TSHZ3: variants seen among roughly 807,000 people sequenced by gnomAD.
The protein encoded by TSHZ3 is teashirt homolog 3.
In TSHZ3, 10 loss-of-function variants were observed where a neutral mutation model predicts 64.5. The observed-to-expected ratio is 0.16, with a 90% CI of 0.10 to 0.26. The LOEUF is 0.26. Among genes scored for constraint, TSHZ3 ranks in the 10% least tolerant of loss-of-function variants. TSHZ3 has a pLI of 1.00. For missense variants in TSHZ3, 1,242 were observed against 1,421.7 expected, an observed-to-expected ratio of 0.87 and a Z score of 2.03; for synonymous variants, 608 against 593.1, an observed-to-expected ratio of 1.03 and a Z score of -0.36.
intron 1 of TSHZ3, among the ~76,000 whole-genome samples, chr19:31,329,181 A>C (rs1917007539): frequency 6.6e-6 from 1 of 152,198 alleles, no homozygotes; most frequent in Non-Finnish European, 1.5e-5. Flanking sequence ...GAAATAAGCT[A>C]CCCAAACTTA....
At position 31,276,534 on chromosome 19, in the gene TSHZ3, T is replaced by C; in HGVS notation, c.*13A>G. On this transcript the variant is annotated 3_prime_UTR_variant, in exon 2 of 2. Coordinates refer to ENST00000240587, the MANE Select transcript of TSHZ3 (RefSeq NM_020856.4). Reference sequence around the variant, plus strand: ...TCAAAGCAAACTGCAGTCCTTTCTATCAAAAGCAAATGCTACTGCTTCTCT... The same window carrying C: ...TCAAAGCAAACTGCAGTCCTTTCTACCAAAAGCAAATGCTACTGCTTCTCT... The C allele has an allele frequency of 3.9e-6, 6 of 1,531,024 alleles. No homozygotes were observed. The highest frequency in any genetic ancestry group is 2.6e-5 in the South Asian group (2 of 77,014). The allele number at this position is 1,531,024 out of a possible 1,614,324, so 94.8% of individuals were successfully genotyped here. A position where few individuals can be genotyped will look rare whatever the true frequency, so the allele number is the denominator to read the frequency against.
chr19:31,248,208 A>G (rs1404827788), intron 1 of TSHZ3, among the ~76,000 whole-genome samples: 1 of 152,192 alleles, frequency 6.6e-6, no homozygotes, highest in Non-Finnish European at 1.5e-5. Flanking sequence ...TACAATTCAT[A>G]TGAGATTGGG....
chr19:31,180,597 T>A (rs959590363), intron 5 of TSHZ3, among the ~76,000 whole-genome samples: 9 of 152,222 alleles, frequency 5.9e-5, no homozygotes, highest in African/African-American at 1.9e-4. Context: ...TTGGGATTGT[T>A]GTGTTAATAA....
At chr19:31,235,877 G>T (rs1158486426) in intron 3 of TSHZ3, among the ~76,000 whole-genome samples, 1 of 151,124 alleles carries the variant, frequency 6.6e-6, no homozygotes, top group Non-Finnish European at 1.5e-5. Flanking sequence ...AACACACCTG[G>T]CTAATTTTTT....
chr19:31,150,028 G>A (rs1974218587), exon 7 of TSHZ3, among the ~76,000 whole-genome samples: 2 of 152,318 alleles, frequency 1.3e-5, no homozygotes, highest in South Asian at 4.1e-4. Context: ...ATTAGAGTCT[G>A]CACAGATGAA....
intron 4 of TSHZ3, among the ~76,000 whole-genome samples, chr19:31,223,284 C>T (rs193199941): frequency 3.9e-4 from 60 of 152,090 alleles, no homozygotes; most frequent in African/African-American, 1.3e-3. Flanking sequence ...CTGTAGAGCC[C>T]TCTGTATTTG....
chr19:31,253,169 G>C (rs1975863686), intron 1 of TSHZ3, among the ~76,000 whole-genome samples: 1 of 152,170 alleles, frequency 6.6e-6, no homozygotes, highest in Non-Finnish European at 1.5e-5. Context: ...CAAATCCCAA[G>C]ACAAGGTGTT....
downstream of TSHZ3, among the ~76,000 whole-genome samples, chr19:31,149,885 A>C (rs1324325082): frequency 2.0e-5 from 3 of 152,150 alleles, no homozygotes; most frequent in Non-Finnish European, 4.4e-5. Flanking sequence ...ATGAAACTTA[A>C]TCATAGAGGG....
At chr19:31,283,464 C>T (rs1976401251) in intron 1 of TSHZ3, among the ~76,000 whole-genome samples, 1 of 152,096 alleles carries the variant, frequency 6.6e-6, no homozygotes, top group African/African-American at 2.4e-5. Context: ...TGGAAATGGA[C>T]CCAGTGGAAT....
intron 5 of TSHZ3, among the ~76,000 whole-genome samples, chr19:31,202,810 C>A (rs1187642675): frequency 6.6e-6 from 1 of 152,192 alleles, no homozygotes; most frequent in Admixed American, 6.5e-5. Context: ...TGCCCTGGCA[C>A]ATCTTTTAAG....
At chr19:31,240,930 T>A (rs1245448760) in intron 3 of TSHZ3, among the ~76,000 whole-genome samples, 2 of 152,194 alleles carry the variant, frequency 1.3e-5, no homozygotes, top group African/African-American at 4.8e-5. Context: ...TAGGACCATA[T>A]TTTTCTTTAA....
intron 1 of TSHZ3, among the ~76,000 whole-genome samples, chr19:31,313,328 G>A (rs540475022): frequency 9.8e-5 from 15 of 152,342 alleles, no homozygotes; most frequent in African/African-American, 3.6e-4. Flanking sequence ...TAATAAAAAT[G>A]TAAAATTTGC....
chr19:31,157,923 C>G (rs1056741215), intron 5 of TSHZ3, among the ~76,000 whole-genome samples: 2 of 152,192 alleles, frequency 1.3e-5, no homozygotes, highest in African/African-American at 4.8e-5. Context: ...TTTTCCCAGC[C>G]CTGCCTCACC....
chr19:31,166,489 C>T (rs934472204), intron 5 of TSHZ3, among the ~76,000 whole-genome samples: 2 of 152,114 alleles, frequency 1.3e-5, no homozygotes, highest in African/African-American at 2.4e-5. Context: ...GCAACTGGCT[C>T]CCAGGAAGGC....
intron 5 of TSHZ3, among the ~76,000 whole-genome samples, chr19:31,198,093 A>G (rs1239094040): frequency 8.5e-5 from 13 of 152,164 alleles, no homozygotes; most frequent in Admixed American, 8.5e-4. Context: ...GAAAATAAGT[A>G]TGGACCACAG....
chr19:31,196,863 A>G (rs373563588), intron 5 of TSHZ3, among the ~76,000 whole-genome samples: 1 of 152,016 alleles, frequency 6.6e-6, no homozygotes, highest in Non-Finnish European at 1.5e-5. Flanking sequence ...TATTATACTT[A>G]GAGACTTCAA....
At chr19:31,285,781 CAAAAAAAAAA>C (rs3030263) in intron 1 of TSHZ3, among the ~76,000 whole-genome samples, 11 of 44,986 alleles carry the variant, frequency 2.4e-4, no homozygotes, top group East Asian at 1.4e-3. Context: ...GCCACTGTCT[CAAAAAAAAAA>C]AAAAAAAAAA....
chr19:31,312,044 C>T (rs1240759753), intron 1 of TSHZ3, among the ~76,000 whole-genome samples: 1 of 152,166 alleles, frequency 6.6e-6, no homozygotes, highest in Non-Finnish European at 1.5e-5. Context: ...TCTTTAAATC[C>T]TGGCTTCTCC....
chr19:31,181,397 T>C (rs1484722243), intron 5 of TSHZ3, among the ~76,000 whole-genome samples: 1 of 152,124 alleles, frequency 6.6e-6, no homozygotes, highest in African/African-American at 2.4e-5. Flanking sequence ...TTATCTGTTT[T>C]GGAAGATGTA....
Sources: allele counts gnomAD v4.1 joint callset (sites outside exome capture counted in the v4.1 genomes callset), GRCh38; gene constraint gnomAD v4.1.1; transcripts MANE v1.5; gene names NCBI Gene and HGNC (gene_info 2026-07-23, HGNC 2026-07-21).